FGF12: variants seen among roughly 807,000 people sequenced by gnomAD.
The protein encoded by FGF12 is fibroblast growth factor 12.
A neutral mutation model predicts 23.6 loss-of-function variants in FGF12; 14 were observed. The ratio of observed to expected loss-of-function variants is 0.59; its 90% CI spans 0.39 to 0.93. FGF12 has a LOEUF of 0.93. Ranked by LOEUF, FGF12 falls within the 40% of genes least tolerant of loss-of-function variation. FGF12 has a pLI of 0.00. For synonymous variants in FGF12, 62 were observed against 77.3 expected (o/e 0.80, Z 1.04); for missense variants, 175 against 217.8 (o/e 0.80, Z 1.24).
chr3:192,568,591 G>T (rs1229124093), intron 2 of FGF12, among the ~76,000 whole-genome samples: 1 of 152,124 alleles, frequency 6.6e-6, no homozygotes, highest in Non-Finnish European at 1.5e-5. Flanking sequence ...CATATTTTCT[G>T]CCAATTACTT....
chr3:192,373,663 C>T (rs547008826), intron 2 of FGF12, among the ~76,000 whole-genome samples: 1 of 152,140 alleles, frequency 6.6e-6, no homozygotes, highest in South Asian at 2.1e-4. Flanking sequence ...GGGTTGGGTG[C>T]TATAACTTAG....
Position 192,409,073 on chromosome 3 carries a change from A to T in FGF12, c.14-48535T>A. 2 of 294,868 alleles carry T rather than the reference A, an allele frequency of 6.8e-6. No individual in the cohort carries two copies. The highest frequency in any genetic ancestry group is 8.1e-6 in the Non-Finnish European group (2 of 247,082). 18.3% of individuals were successfully genotyped at this position (294,868 alleles called of 1,614,324 possible). A position where few individuals can be genotyped will look rare whatever the true frequency, so the allele number is the denominator to read the frequency against. On this transcript the variant is annotated intron_variant, in intron 2 of 5. Transcript: ENST00000445105. This position sits in a 1 kb window ranked among gnomAD's most constrained non-coding sequence, Gnocchi z 4.8. The stretch of plus-strand genomic sequence containing the variant: ...CTGCAAAGAGAGCGGGAGGCGAGGG[A>T]GGGGGGAGGGCGCGAGGGAGGGAGG...
intron 4 of FGF12, chr3:192,244,892 A>C (rs1212180767): frequency 6.6e-6 from 1 of 152,168 alleles, no homozygotes; most frequent in African/African-American, 2.4e-5. Flanking sequence ...TTTCCTCTGG[A>C]CCAAGTGGTT....
chr3:192,584,197 C>A (rs1169646546), intron 2 of FGF12, among the ~76,000 whole-genome samples: 1 of 152,110 alleles, frequency 6.6e-6, no homozygotes, highest in Admixed American at 6.6e-5. Flanking sequence ...TTCTTTGATA[C>A]CTTTGTTAAC....
At chr3:192,438,743 A>AGTAGGAGT (rs201928600) in intron 2 of FGF12, among the ~76,000 whole-genome samples, 1,612 of 152,328 alleles carry the variant, frequency 0.011, 26 homozygotes, top group African/African-American at 0.036. Context: ...GTGCTTGACC[A>AGTAGGAGT]GTAGGAGTGG....
At chr3:192,272,595 T>G (rs1312571807) in intron 4 of FGF12, among the ~76,000 whole-genome samples, 2 of 152,152 alleles carry the variant, frequency 1.3e-5, no homozygotes, top group Non-Finnish European at 2.9e-5. Context: ...CTCTTTTAAA[T>G]GATACTTCCC....
intron 2 of FGF12, among the ~76,000 whole-genome samples, chr3:192,692,368 T>C (rs1409211539): frequency 6.6e-6 from 1 of 152,134 alleles, no homozygotes; most frequent in African/African-American, 2.4e-5. Flanking sequence ...CATAGGTAAA[T>C]TAACCAATGT....
chr3:192,608,075 T>C (rs1209395336), intron 2 of FGF12, among the ~76,000 whole-genome samples: 2 of 152,046 alleles, frequency 1.3e-5, no homozygotes, highest in African/African-American at 4.8e-5. Context: ...TCTCGCTTAT[T>C]TGTGGGAGCT....
chr3:192,373,068 G>A (rs555528242), intron 2 of FGF12, among the ~76,000 whole-genome samples: 15 of 151,786 alleles, frequency 9.9e-5, no homozygotes, highest in Admixed American at 7.9e-4. Flanking sequence ...CTGCCGCCAC[G>A]TTTGTACAGA....
At chr3:192,361,385 C>T (rs943381686) in intron 2 of FGF12, among the ~76,000 whole-genome samples, 1 of 152,070 alleles carries the variant, frequency 6.6e-6, no homozygotes, top group African/African-American at 2.4e-5. Flanking sequence ...CACCGCATCA[C>T]CATTTTTGTC....
In FGF12 at chr3:192,624,622, T is replaced by C. The variant is rs184391265; in HGVS notation, c.13+102559A>G. Among the ~76,000 whole-genome samples, 264 of 152,294 alleles carry C rather than the reference T, an allele frequency of 1.7e-3. 2 individuals are homozygous for C. Among genetic ancestry groups the C allele is most frequent in the African/African-American group, 6.0e-3 (250 of 41,578 alleles). On this transcript the variant is annotated intron_variant, in intron 2 of 5. Transcript: ENST00000445105. Reference sequence around the variant, plus strand: ...AAAAAATCATTTTTCATCAGTATTATAAAATAATTATATAGCATCTTCCTT... The same window carrying C: ...AAAAAATCATTTTTCATCAGTATTACAAAATAATTATATAGCATCTTCCTT...
intron 5 of FGF12, among the ~76,000 whole-genome samples, chr3:192,145,562 G>A (rs569157087): frequency 4.6e-5 from 7 of 152,250 alleles, no homozygotes; most frequent in East Asian, 1.9e-4. Context: ...AGGTGATGTT[G>A]ATGCTGATAA....
At chr3:192,384,420 T>C (rs762478055) in intron 2 of FGF12, among the ~76,000 whole-genome samples, 3 of 152,182 alleles carry the variant, frequency 2.0e-5, no homozygotes, top group Admixed American at 6.5e-5. Flanking sequence ...GTATCTTCCC[T>C]ACGAAGGTGA....
At chr3:192,579,415 C>T (rs956687701) in intron 2 of FGF12, among the ~76,000 whole-genome samples, 8 of 152,054 alleles carry the variant, frequency 5.3e-5, no homozygotes, top group Admixed American at 3.3e-4. Flanking sequence ...AACTGAATTG[C>T]GCATATATAT....
intron 2 of FGF12, among the ~76,000 whole-genome samples, chr3:192,694,942 C>T (rs1333129764): frequency 1.3e-5 from 2 of 151,712 alleles, no homozygotes; most frequent in African/African-American, 4.8e-5. Flanking sequence ...AAGTAGAGAT[C>T]TAGTGTACAG....
At chr3:192,303,523 TA>T (rs1266343794) in intron 4 of FGF12, among the ~76,000 whole-genome samples, 1 of 152,186 alleles carries the variant, frequency 6.6e-6, no homozygotes, top group Non-Finnish European at 1.5e-5. Context: ...GAAGACTGTA[TA>T]GTGCACAAGA....
In FGF12 at chr3:192,408,950, A is replaced by G; in HGVS notation, c.14-48412T>C. On this transcript the variant is annotated intron_variant, in intron 2 of 5. Transcript: ENST00000445105. This position sits in a 1 kb window ranked among gnomAD's most constrained non-coding sequence, Gnocchi z 7.3. Reference sequence around the variant, plus strand: ...GCCACCCGAGTTCTGGAATTCCGAGAGGCGCGAAGTGGGAGCGGTTACCCG... The same window carrying G: ...GCCACCCGAGTTCTGGAATTCCGAGGGGCGCGAAGTGGGAGCGGTTACCCG... The G allele has an allele frequency of 1.0e-6, 1 of 984,642 alleles. No homozygotes were observed. Among genetic ancestry groups the G allele is most frequent in the Non-Finnish European group, 1.2e-6 (1 of 829,852 alleles). The allele number at this position is 984,642 out of a possible 1,614,324, so 61.0% of individuals were successfully genotyped here. A position where few individuals can be genotyped will look rare whatever the true frequency, so the allele number is the denominator to read the frequency against.
chr3:192,206,374 C>T (rs1431125143), intron 4 of FGF12, among the ~76,000 whole-genome samples: 5 of 152,126 alleles, frequency 3.3e-5, no homozygotes, highest in African/African-American at 1.2e-4. Context: ...CTAAATTAGA[C>T]CAAGTGGTTG....
At chr3:192,187,943 T>C (rs1040677593) in intron 4 of FGF12, among the ~76,000 whole-genome samples, 1 of 152,100 alleles carries the variant, frequency 6.6e-6, no homozygotes, top group South Asian at 2.1e-4. Context: ...AGCAGATCTA[T>C]GTATTAGGAA....
Sources: allele counts gnomAD v4.1 joint callset (sites outside exome capture counted in the v4.1 genomes callset), GRCh38; gene constraint gnomAD v4.1.1; non-coding constraint Gnocchi (gnomAD v3.1); transcripts MANE v1.5; gene names NCBI Gene and HGNC (gene_info 2026-07-23, HGNC 2026-07-21).